RASIP1: variants seen among roughly 807,000 people sequenced by gnomAD.
RASIP1 encodes the protein Ras interacting protein 1, also known as ras-interacting protein 1.
RASIP1 carries 20 observed loss-of-function variants against 85.3 expected under a neutral mutation model. That is an observed-to-expected ratio of 0.23 (90% confidence interval 0.17 to 0.34). The LOEUF (loss-of-function observed/expected upper bound fraction) is 0.34. Ranked by LOEUF, RASIP1 falls within the 10% of genes least tolerant of loss-of-function variation. RASIP1 has a pLI of 1.00. For synonymous variants in RASIP1, 617 were observed against 647.1 expected (o/e 0.95, Z 0.71); for missense variants, 1,170 against 1,390.9 (o/e 0.84, Z 2.53).
At chr19:48,727,204 A>T in intron 6 of RASIP1, 46 bp from the exon 7 acceptor site, 2 of 1,608,024 alleles carry the variant, frequency 1.2e-6, no homozygotes, top group Non-Finnish European at 1.7e-6. Context: ...AACCCTCATC[A>T]TAGTTTACAA....
chr19:48,720,694 C>A lies in RASIP1; in HGVS notation c.*104G>T. ...AAACTCAATCTCCCAACATTCCACG[C>A]GGGATAAGAACTACAACTCCCAGAA... On this transcript the variant is annotated 3_prime_UTR_variant, in exon 12 of 12. Coordinates refer to ENST00000222145, the MANE Select transcript of RASIP1 (RefSeq NM_017805.3). The A allele has an allele frequency of 7.8e-7, 1 of 1,278,402 alleles. No individual in the cohort carries two copies. The highest frequency in any genetic ancestry group is 1.1e-6 in the Non-Finnish European group (1 of 897,270). 79.2% of individuals were successfully genotyped at this position (1,278,402 alleles called of 1,614,324 possible). A position where few individuals can be genotyped will look rare whatever the true frequency, so the allele number is the denominator to read the frequency against.
chr19:48,731,167 G>A (rs745324279), intron 4 of RASIP1, among the ~76,000 whole-genome samples: 17 of 152,152 alleles, frequency 1.1e-4, no homozygotes, highest in Admixed American at 2.6e-4. Context: ...CCAGCTACTC[G>A]GGAGGCTGAG....
At chr19:48,726,146 C>G (rs1011251732) in intron 8 of RASIP1, among the ~76,000 whole-genome samples, 1 of 152,176 alleles carries the variant, frequency 6.6e-6, no homozygotes, top group Admixed American at 6.5e-5. Context: ...AGTCTGGTCT[C>G]AAACTCCTGA....
chr19:48,740,610 T>C lies in RASIP1; in HGVS notation c.-94A>G. On this transcript the variant is annotated 5_prime_UTR_variant, in exon 1 of 12. Coordinates refer to ENST00000222145, the MANE Select transcript of RASIP1 (RefSeq NM_017805.3). This position sits in a 1 kb window ranked among gnomAD's most constrained non-coding sequence, Gnocchi z 5.5. The stretch of plus-strand genomic sequence containing the variant: ...TTGCCTCTGCCACGGCTCCCAGCAC[T>C]GGGTGGGGGACAGGAAAAGGCAAGA... The C allele has an allele frequency of 7.2e-7, 1 of 1,380,708 alleles. No individual in the cohort carries two copies. The highest frequency in any genetic ancestry group is 9.4e-7 in the Non-Finnish European group (1 of 1,069,256). The allele number at this position is 1,380,708 out of a possible 1,614,324, so 85.5% of individuals were successfully genotyped here. A position where few individuals can be genotyped will look rare whatever the true frequency, so the allele number is the denominator to read the frequency against.
rs555467561 is a variant in RASIP1 at position 48,725,471 on chromosome 19, T to C, written c.2128-511A>G. Reference sequence around the variant, plus strand: ...GCTGCTAGAGGAACTTAGAGACTGATAGTTAGCTGTCCCAAAAGATCCTCT... The same window carrying C: ...GCTGCTAGAGGAACTTAGAGACTGACAGTTAGCTGTCCCAAAAGATCCTCT... On this transcript the variant is annotated intron_variant, in intron 8 of 11. Transcript: ENST00000222145. The C allele has an allele frequency of 1.6e-3, 243 of 155,746 alleles. 1 individual carries two copies. Among genetic ancestry groups the C allele is most frequent in the Non-Finnish European group, 1.7e-3 (120 of 70,148 alleles). The allele number at this position is 155,746 out of a possible 1,614,324, so 9.6% of individuals were successfully genotyped here.
Position 48,740,554 on chromosome 19 carries a change from G to A in RASIP1, c.-38C>T. 2.9e-6 allele frequency: 4 copies of A among 1,384,096 alleles called. No homozygotes were observed. Among genetic ancestry groups the A allele is most frequent in the Non-Finnish European group, 3.7e-6 (4 of 1,074,706 alleles). The allele number at this position is 1,384,096 out of a possible 1,614,324, so 85.7% of individuals were successfully genotyped here. ...GGGTCCGGCACACCCGGAGGCCCTG[G>A]CTCCACTGGCCTGGGTCAGTTCCAC... On this transcript the variant is annotated 5_prime_UTR_variant, in exon 1 of 12. Transcript: ENST00000222145. This position sits in a 1 kb window ranked among gnomAD's most constrained non-coding sequence, Gnocchi z 5.5.
chr19:48,723,138 G>A (rs983495068), intron 10 of RASIP1, among the ~76,000 whole-genome samples: 3 of 151,880 alleles, frequency 2.0e-5, no homozygotes, highest in African/African-American at 7.3e-5. Flanking sequence ...CTTCCACCTC[G>A]GCCTCCCAAA....
chr19:48,736,523 A>C (rs542036037), intron 3 of RASIP1, among the ~76,000 whole-genome samples: 1 of 152,292 alleles, frequency 6.6e-6, no homozygotes, highest in Non-Finnish European at 1.5e-5. Context: ...ACCTCTTCCT[A>C]AACACCCTTC....
intron 8 of RASIP1, 84 bp from the exon 9 acceptor site, chr19:48,725,044 G>A (rs958383314): frequency 5.3e-6 from 8 of 1,505,154 alleles, no homozygotes; most frequent in Non-Finnish European, 7.2e-6. Context: ...AGATAGTGGG[G>A]AGCTCCACCA....
chr19:48,726,955 T>G, intron 7 of RASIP1, 52 bp downstream of exon 7: 1 of 1,611,154 alleles, frequency 6.2e-7, no homozygotes, highest in Non-Finnish European at 8.5e-7. Flanking sequence ...GGTCCCCAGG[T>G]GCAGGGCATG....
rs535256391 is a variant in RASIP1 at position 48,728,471 on chromosome 19, A to AAT, written c.1833+464_1833+465dup. Among the ~76,000 whole-genome samples the AAT allele has an allele frequency of 1.3e-4, 20 of 152,258 alleles. No individual in the cohort carries two copies. In the East Asian group the frequency reaches 3.1e-3, roughly 24 times the overall value. On this transcript the variant is annotated intron_variant, in intron 5 of 11. Coordinates refer to ENST00000222145, the MANE Select transcript of RASIP1 (RefSeq NM_017805.3). ...CATTCTATGGGGGGGCCCCTTGCTT[A>AAT]ATAACCCCAAAACACCGGGTGTGGT... is the stretch of plus-strand genomic sequence containing the variant.
In RASIP1 at chr19:48,729,594, G is replaced by T; in HGVS notation, c.1180-4C>A. On this transcript the variant is annotated splice_polypyrimidine_tract_variant and splice_region_variant and intron_variant, in intron 4 of 11. Transcript: ENST00000222145. ...TCATCACATACACCACAAAGTCCTG[G>T]AGGGGAAACGAGGATGCACTAAGGA... 1 of 1,585,106 alleles carries T rather than the reference G, an allele frequency of 6.3e-7. No individual in the cohort carries two copies. Among genetic ancestry groups the T allele is most frequent in the Non-Finnish European group, 8.6e-7 (1 of 1,165,902 alleles).
At chr19:48,728,350 A>G (rs1460890331) in intron 5 of RASIP1, among the ~76,000 whole-genome samples, 1 of 152,132 alleles carries the variant, frequency 6.6e-6, no homozygotes. Flanking sequence ...ACCATCTCCC[A>G]TAATGGTTTC....
chr19:48,724,692 C>G lies in RASIP1; in HGVS notation c.2371+25G>C, dbSNP rs1308846666. The G allele has an allele frequency of 6.2e-7, 1 of 1,613,288 alleles. No individual in the cohort carries two copies. Among genetic ancestry groups the G allele is most frequent in the Non-Finnish European group, 8.5e-7 (1 of 1,179,474 alleles). ...CTCAGTGGCTCCTGTCTTTGCCTCC[C>G]TGACAGCTCCCAGCCAACCTTCACC... is the stretch of plus-strand genomic sequence containing the variant. On this transcript the variant is annotated intron_variant, in intron 9 of 11. Coordinates refer to ENST00000222145, the MANE Select transcript of RASIP1 (RefSeq NM_017805.3). This position sits in a 1 kb window ranked among gnomAD's most constrained non-coding sequence, Gnocchi z 4.6.
Position 48,724,618 on chromosome 19 carries a change from T to C in RASIP1, c.2371+99A>G. On this transcript the variant is annotated intron_variant, in intron 9 of 11. Transcript: ENST00000222145. The surrounding 1 kb of genome is among the most constrained non-coding windows in gnomAD (Gnocchi z 4.6). ...GGGATCTGGAGCTTGTTCTCCAGGGTACCCAAAGGTGAGGCTTGAGCCCGT... is the reference window on the plus strand; with the variant it reads ...GGGATCTGGAGCTTGTTCTCCAGGGCACCCAAAGGTGAGGCTTGAGCCCGT... The C allele has an allele frequency of 3.8e-6, 6 of 1,574,860 alleles. No homozygotes were observed. The highest frequency in any genetic ancestry group is 1.2e-5 in the South Asian group (1 of 84,802).
At chr19:48,731,029 G>A (rs954567579) in intron 4 of RASIP1, among the ~76,000 whole-genome samples, 3 of 152,026 alleles carry the variant, frequency 2.0e-5, no homozygotes, top group East Asian at 1.9e-4. Context: ...GAGGCCGGGC[G>A]CAGTGGAGAC....
intron 4 of RASIP1, among the ~76,000 whole-genome samples, chr19:48,731,895 C>T (rs991785554): frequency 1.3e-5 from 2 of 152,200 alleles, no homozygotes; most frequent in Admixed American, 6.5e-5. Context: ...ACAATGGGCT[C>T]TCCTGCTCCC....
In RASIP1 at chr19:48,724,811, G is replaced by T. The variant is rs937039834; in HGVS notation, c.2277C>A (p.Ser759Arg). Residue 759 changes from serine to arginine, a missense_variant, in exon 9 of 12, where the codon AGC becomes AGA. Transcript: ENST00000222145. This position sits in a 1 kb window ranked among gnomAD's most constrained non-coding sequence, Gnocchi z 4.6. The part of the protein sequence containing the change: ...GVFQAALELT[S>R]QCELHPDLVS... Reference sequence around the variant, plus strand: ...CGAGGTCAGGGTGCAGCTCGCACTGGCTGGTCAGCTCCAAGGCTGCCTGGA... The same window carrying T: ...CGAGGTCAGGGTGCAGCTCGCACTGTCTGGTCAGCTCCAAGGCTGCCTGGA... 1.2e-6 allele frequency: 2 copies of T among 1,614,234 alleles called. No homozygotes were observed. The highest frequency in any genetic ancestry group is 1.7e-6 in the Non-Finnish European group (2 of 1,180,038).
At chr19:48,727,940 G>C (rs984198978) in intron 5 of RASIP1, among the ~76,000 whole-genome samples, 1 of 151,794 alleles carries the variant, frequency 6.6e-6, no homozygotes, top group Non-Finnish European at 1.5e-5. Context: ...TGCCCGCCTC[G>C]GCCTCCCAAA....
Sources: gnomAD v4.1 joint callset for allele counts (sites outside exome capture counted in the v4.1 genomes callset) on GRCh38, gnomAD v4.1.1 for gene constraint, Gnocchi (gnomAD v3.1) non-coding constraint, MANE v1.5 for transcripts, NCBI Gene and HGNC (gene_info 2026-07-23, HGNC 2026-07-21) for gene names.